Variants in ANKRD6 observed in about 807,000 individuals in gnomAD.
ANKRD6 encodes the protein ankyrin repeat domain-containing protein 6.
In ANKRD6, 56 loss-of-function variants were observed where a neutral mutation model predicts 82.3. The observed-to-expected ratio is 0.68, with a 90% confidence interval of 0.55 to 0.85. ANKRD6 has a LOEUF of 0.85. Ranked by LOEUF, ANKRD6 falls within the 40% of genes least tolerant of loss-of-function variation. The pLI, the probability that ANKRD6 is intolerant of heterozygous loss-of-function variation, is 0.00. For synonymous variants in ANKRD6, 347 were observed against 352.1 expected (o/e 0.99, Z 0.16); for missense variants, 852 against 907.6 (o/e 0.94, Z 0.79).
intron 1 of ANKRD6, among the ~76,000 whole-genome samples, chr6:89,467,556 T>C (rs1271372496): frequency 6.6e-6 from 1 of 152,212 alleles, no homozygotes; most frequent in Non-Finnish European, 1.5e-5. Flanking sequence ...CACTGTACTT[T>C]TCAGTAGCTC....
At chr6:89,573,491 G>A (rs2128095795) in intron 2 of ANKRD6, among the ~76,000 whole-genome samples, 1 of 152,154 alleles carries the variant, frequency 6.6e-6, no homozygotes, top group South Asian at 2.1e-4. Context: ...TGATTGATCT[G>A]GGTTGCTCTC....
At chr6:89,558,674 C>T (rs192828092) in intron 1 of ANKRD6, among the ~76,000 whole-genome samples, 117 of 152,230 alleles carry the variant, frequency 7.7e-4, no homozygotes, top group African/African-American at 2.7e-3. Flanking sequence ...TTTGTCAAAA[C>T]CCATGGAACT....
chr6:89,612,240 A>G (rs1163762698), intron 5 of ANKRD6, 32 bp from the exon 6 acceptor site: 1 of 1,541,846 alleles, frequency 6.5e-7, no homozygotes, highest in Non-Finnish European at 8.8e-7. Context: ...CATGTTGCTA[A>G]TATGTCCTCC....
intron 1 of ANKRD6, among the ~76,000 whole-genome samples, chr6:89,512,284 C>T (rs976385563): frequency 2.0e-5 from 3 of 152,180 alleles, no homozygotes; most frequent in Admixed American, 6.5e-5. Context: ...CAGTCTTAAA[C>T]GCCAGTCAAT....
At chr6:89,594,663 TG>T (rs1200595395) in intron 2 of ANKRD6, among the ~76,000 whole-genome samples, 1 of 152,142 alleles carries the variant, frequency 6.6e-6, no homozygotes, top group Non-Finnish European at 1.5e-5. Context: ...TTTCTTGAAA[TG>T]GTTGGTGGTT....
rs754421718 is a variant in ANKRD6 at position 89,616,552 on chromosome 6, A to G, written c.616-7A>G. 1.1e-5 allele frequency: 18 copies of G among 1,614,012 alleles called. No individual in the cohort carries two copies. Among genetic ancestry groups the G allele is most frequent in the East Asian group, 1.1e-4 (5 of 44,886 alleles). On this transcript the variant is annotated splice_region_variant and splice_polypyrimidine_tract_variant and intron_variant, in intron 7 of 15. Transcript: ENST00000339746. ...TGAGGTTTAGCAGACCTTCTAATCA[A>G]TTCCAGGCTGGAGACACAGCACTTC... is the stretch of plus-strand genomic sequence containing the variant.
intron 1 of ANKRD6, among the ~76,000 whole-genome samples, chr6:89,515,542 A>G (rs1321058661): frequency 6.6e-6 from 1 of 152,220 alleles, no homozygotes; most frequent in Non-Finnish European, 1.5e-5. Flanking sequence ...AGACATACTC[A>G]TTTCCTAACC....
intron 2 of ANKRD6, among the ~76,000 whole-genome samples, chr6:89,575,754 T>TGACTTTGG (rs1790984439): frequency 6.6e-6 from 1 of 152,176 alleles, no homozygotes; most frequent in African/African-American, 2.4e-5. Context: ...AAGTGACTTG[T>TGACTTTGG]TCAAATAGGG....
chr6:89,614,364 G>A (rs1472677690), intron 7 of ANKRD6, among the ~76,000 whole-genome samples: 2 of 152,094 alleles, frequency 1.3e-5, no homozygotes, highest in Non-Finnish European at 2.9e-5. Context: ...TAAAAATTTG[G>A]CCGGCCGTGG....
intron 1 of ANKRD6, among the ~76,000 whole-genome samples, chr6:89,449,534 A>C (rs1256129974): frequency 6.6e-6 from 1 of 152,228 alleles, no homozygotes; most frequent in Non-Finnish European, 1.5e-5. Flanking sequence ...GCTGAGATAA[A>C]GACTGTCTCA....
chr6:89,563,804 T>A (rs1219808585), intron 1 of ANKRD6, among the ~76,000 whole-genome samples: 1 of 152,026 alleles, frequency 6.6e-6, no homozygotes, highest in African/African-American at 2.4e-5. Flanking sequence ...GTCTTCTCAC[T>A]CTAAGGAATG....
In ANKRD6 at chr6:89,621,920, A is replaced by G; in HGVS notation, c.793-2A>G. The G allele has an allele frequency of 6.2e-7, 1 of 1,613,870 alleles. No homozygotes were observed. Among genetic ancestry groups the G allele is most frequent in the South Asian group, 1.1e-5 (1 of 91,072 alleles). ...TGTAACAATGCCGTTTGCCTCCTTC[A>G]GGTCTTGCGCTTCAGTCGTGGGCGA... On this transcript the variant is annotated splice_acceptor_variant, in intron 9 of 15. Coordinates refer to ENST00000339746, the MANE Select transcript of ANKRD6 (RefSeq NM_001242809.2). LOFTEE classifies it high-confidence loss of function.
chr6:89,487,778 G>A (rs1425862738), intron 1 of ANKRD6, among the ~76,000 whole-genome samples: 1 of 152,154 alleles, frequency 6.6e-6, no homozygotes, highest in African/African-American at 2.4e-5. Flanking sequence ...TGAATGTGTA[G>A]TCCTCAGACT....
intron 9 of ANKRD6, among the ~76,000 whole-genome samples, chr6:89,620,573 T>C (rs1346573185): frequency 6.6e-6 from 1 of 152,204 alleles, no homozygotes; most frequent in Non-Finnish European, 1.5e-5. Flanking sequence ...TTTACATTTT[T>C]AACTATTACG....
intron 1 of ANKRD6, chr6:89,505,072 T>G (rs1040750241): frequency 6.6e-6 from 1 of 152,278 alleles, no homozygotes; most frequent in Non-Finnish European, 1.5e-5. Flanking sequence ...AGTTTCCCTG[T>G]GTGTCCTCCC....
intron 1 of ANKRD6, among the ~76,000 whole-genome samples, chr6:89,445,139 A>G (rs185588069): frequency 4.0e-5 from 6 of 151,500 alleles, no homozygotes; most frequent in Admixed American, 3.3e-4. Context: ...TATCAATACC[A>G]TTTTTCCAAC....
chr6:89,442,988 A>G (rs1019002094), intron 1 of ANKRD6, among the ~76,000 whole-genome samples: 1 of 152,216 alleles, frequency 6.6e-6, no homozygotes, highest in Non-Finnish European at 1.5e-5. Flanking sequence ...TTTTCCCCCC[A>G]CAAAAGATGG....
intron 9 of ANKRD6, 108 bp from the exon 10 acceptor site, chr6:89,621,814 C>A (rs780133613): frequency 9.3e-7 from 1 of 1,078,252 alleles, no homozygotes; most frequent in Non-Finnish European, 1.4e-6. Context: ...TGCTCTCACC[C>A]TCTAAGCTGT....
intron 1 of ANKRD6, among the ~76,000 whole-genome samples, chr6:89,544,628 T>G (rs1300366242): frequency 6.6e-6 from 1 of 151,138 alleles, no homozygotes; most frequent in East Asian, 2.0e-4. Flanking sequence ...GCAGGAGAAT[T>G]GCTTGAACCC....
Sources: gnomAD v4.1 joint callset for allele counts (sites outside exome capture counted in the v4.1 genomes callset) on GRCh38, gnomAD v4.1.1 for gene constraint, MANE v1.5 for transcripts, NCBI Gene and HGNC (gene_info 2026-07-23, HGNC 2026-07-21) for gene names.